Variants in CCZ1 observed in about 807,000 individuals in gnomAD.
CCZ1 encodes CCZ1 vacuolar protein trafficking and biogenesis associated, also known as vacuolar fusion protein CCZ1 homolog.
In CCZ1, 19 loss-of-function variants were observed where a neutral mutation model predicts 57.8. The observed-to-expected ratio is 0.33, with a 90% CI of 0.23 to 0.48. The LOEUF (loss-of-function observed/expected upper bound fraction) is 0.48, where lower values mean the gene tolerates loss of function less well. Ranked by LOEUF, CCZ1 falls within the 20% of genes least tolerant of loss-of-function variation. CCZ1 has a pLI of 0.99. For missense variants in CCZ1, 200 were observed against 492.0 expected, an observed-to-expected ratio of 0.41 and a Z score of 5.61; for synonymous variants, 81 against 167.0, an observed-to-expected ratio of 0.49 and a Z score of 3.97.
At chr7:5,906,749 TAAG>T (rs1262316007) in intron 7 of CCZ1, among the ~76,000 whole-genome samples, 9 of 150,516 alleles carry the variant, frequency 6.0e-5, no homozygotes, top group Non-Finnish European at 1.5e-5. Context: ...AGCTCCATTT[TAAG>T]AAGAGAAACA....
chr7:5,911,167 G>A (rs952110172), intron 8 of CCZ1, among the ~76,000 whole-genome samples: 1 of 149,044 alleles, frequency 6.7e-6, no homozygotes, highest in African/African-American at 2.5e-5. Context: ...GTGCCTACCC[G>A]GCTTTCCACT....
intron 7 of CCZ1, among the ~76,000 whole-genome samples, chr7:5,907,431 T>C (rs1293520609): frequency 2.0e-5 from 3 of 148,914 alleles, no homozygotes; most frequent in African/African-American, 7.5e-5. Flanking sequence ...CCAGCAGTAG[T>C]GGCCCATGGC....
Position 5,912,903 on chromosome 7 carries a change from T to G in CCZ1, c.903T>G (p.Ile301Met). 1 of 1,605,500 alleles carries G rather than the reference T, an allele frequency of 6.2e-7. No homozygotes were observed. The highest frequency in any genetic ancestry group is 1.1e-5 in the South Asian group (1 of 90,612). Residue 301 changes from isoleucine (I) to methionine (M), a missense_variant, in exon 10 of 15, where the codon ATT becomes ATG. Transcript: ENST00000325974. ...ATGCAAAATGCAGATTCCCCAAAAT[T>G]TTTGTAAATACAGATGACACTTATG... is the stretch of plus-strand genomic sequence containing the variant. ...DPDAKCRFPK[I>M]FVNTDDTYEE...
At chr7:5,910,447 C>T (rs1238107804) in intron 8 of CCZ1, among the ~76,000 whole-genome samples, 1 of 148,896 alleles carries the variant, frequency 6.7e-6, no homozygotes, top group Non-Finnish European at 1.5e-5. Flanking sequence ...TTGCCTCGGC[C>T]TCCCAAGTAC....
chr7:5,907,506 G>A (rs1484894322), intron 7 of CCZ1, among the ~76,000 whole-genome samples: 2 of 147,632 alleles, frequency 1.4e-5, no homozygotes, highest in Non-Finnish European at 3.0e-5. Context: ...CACAAGCCCC[G>A]CCATGGGTGC....
Position 5,905,285 on chromosome 7 carries a change from G to A in CCZ1, c.698+16G>A. 2.2e-6 allele frequency: 3 copies of A among 1,378,916 alleles called. No homozygotes were observed. Among genetic ancestry groups the A allele is most frequent in the Non-Finnish European group, 2.9e-6 (3 of 1,022,252 alleles). The allele number at this position is 1,378,916 out of a possible 1,614,324, so 85.4% of individuals were successfully genotyped here. A position where few individuals can be genotyped will look rare whatever the true frequency, so the allele number is the denominator to read the frequency against. On this transcript the variant is annotated intron_variant, in intron 7 of 14. Coordinates refer to ENST00000325974, the MANE Select transcript of CCZ1 (RefSeq NM_015622.6). ...AGCTCATCTGGTAGGTACACCCCGA[G>A]GCATGGTATTAAAAGAAGAAATTAA...
At chr7:5,910,640 T>G (rs1437026682) in intron 8 of CCZ1, among the ~76,000 whole-genome samples, 1 of 146,856 alleles carries the variant, frequency 6.8e-6, no homozygotes, top group Non-Finnish European at 1.5e-5. Flanking sequence ...AGCATGTTTT[T>G]AAGAGGAGTG....
chr7:5,904,956 G>A (rs573132642), intron 6 of CCZ1, 138 bp from the exon 7 acceptor site: 12 of 1,203,050 alleles, frequency 1.0e-5, no homozygotes, highest in Middle Eastern at 4.5e-4. Context: ...TCTTCACCAC[G>A]GCCTCATTGT....
rs183538847 is a variant in CCZ1 at position 5,909,333 on chromosome 7, G to A, written c.699-702G>A. 1.6e-4 allele frequency among the ~76,000 whole-genome samples: 24 copies of A among 150,506 alleles called. 1 individual carries two copies. The highest frequency in any genetic ancestry group is 4.0e-4 in the Admixed American group (6 of 15,166). Reference sequence around the variant, plus strand: ...GGAGGTTCGCTTGAGCCTGGGAATCGGTGGCTGCAGCAAGCTGTGGTCACA... The same window carrying A: ...GGAGGTTCGCTTGAGCCTGGGAATCAGTGGCTGCAGCAAGCTGTGGTCACA... On this transcript the variant is annotated intron_variant, in intron 7 of 14. Coordinates refer to ENST00000325974, the MANE Select transcript of CCZ1 (RefSeq NM_015622.6).
At chr7:5,912,069 C>G in intron 9 of CCZ1, 147 bp downstream of exon 9, 1 of 1,540,146 alleles carries the variant, frequency 6.5e-7, no homozygotes, top group Non-Finnish European at 8.8e-7. Flanking sequence ...ACTGTCATGC[C>G]TCAGCCTCCC....
rs1781711460 is a variant in CCZ1, at chr7:5,902,682, A to T, written c.460A>T (p.Lys154Ter). 6.3e-7 allele frequency: 1 copy of T among 1,590,520 alleles called. No homozygotes were observed. Among genetic ancestry groups the T allele is most frequent in the African/African-American group, 1.4e-5 (1 of 72,884 alleles). ...MYKLFNGTFL[K>*]AMEDGGVKLL... ...CTAGCTTTTTAATGGTACATTTCTG[A>T]AAGCCATGGAAGACGGAGGCGTCAA... Residue 154 changes from lysine to a stop codon, truncating the protein, a stop_gained, in exon 6 of 15, where the codon AAA (lysine) becomes TAA (stop). Coordinates refer to ENST00000325974, the MANE Select transcript of CCZ1 (RefSeq NM_015622.6). LOFTEE classifies it high-confidence loss of function.
intron 10 of CCZ1, among the ~76,000 whole-genome samples, chr7:5,915,527 CT>C (rs1209032145): frequency 2.0e-5 from 3 of 148,156 alleles, no homozygotes; most frequent in Admixed American, 6.9e-5. Context: ...GGGTCCTTAC[CT>C]TTTTCTTAAT....
Position 5,901,653 on chromosome 7 carries a change from G to T in CCZ1, c.391-4G>T, listed in dbSNP as rs890582511. The T allele has an allele frequency of 8.8e-6, 14 of 1,596,054 alleles. No individual in the cohort carries two copies. Among genetic ancestry groups the T allele is most frequent in the Middle Eastern group, 3.3e-4 (2 of 6,044 alleles). ...AGCTGTGTGCTGTGTTTTCGCGTCTGCAGGACAAGGTTTATAGCTCGGTGC... is the reference window on the plus strand; with the variant it reads ...AGCTGTGTGCTGTGTTTTCGCGTCTTCAGGACAAGGTTTATAGCTCGGTGC... On this transcript the variant is annotated splice_region_variant and splice_polypyrimidine_tract_variant and intron_variant, in intron 4 of 14. Coordinates refer to ENST00000325974, the MANE Select transcript of CCZ1 (RefSeq NM_015622.6).
chr7:5,900,350 G>A lies in CCZ1; in HGVS notation c.187G>A (p.Gly63Arg), dbSNP rs1424579827. ...VEKNEKIRNV[G>R]LCEAIVQFTR... Reference sequence around the variant, plus strand: ...AAAGAATGAGAAGATTAGAAATGTCGGATTGTGTGAAGCTATTGTACAGTT... The same window carrying A: ...AAAGAATGAGAAGATTAGAAATGTCAGATTGTGTGAAGCTATTGTACAGTT... Residue 63 changes from glycine (G) to arginine (R), a missense_variant, in exon 2 of 15, where the codon GGA (glycine) becomes AGA (arginine). This residue lies in a region of CCZ1 where 44 missense variants were observed against 122.8 expected (regional missense o/e 0.36). Transcript: ENST00000325974. 5.7e-6 allele frequency: 9 copies of A among 1,572,572 alleles called. No individual in the cohort carries two copies. The highest frequency in any genetic ancestry group is 6.9e-6 in the Non-Finnish European group (8 of 1,163,680).
At chr7:5,906,978 C>T (rs1414858597) in intron 7 of CCZ1, among the ~76,000 whole-genome samples, 1 of 149,234 alleles carries the variant, frequency 6.7e-6, no homozygotes, top group African/African-American at 2.5e-5. Context: ...AGCAATTCTC[C>T]TGCCTCAGCC....
rs1781650736 is a variant in CCZ1, at chr7:5,900,206, G to C, written c.121-78G>C. Reference sequence around the variant, plus strand: ...ATTAGCATGTGTGACACAAGAGGTCGACATTGAACTTAGCGTTTTCAATAG... The same window carrying C: ...ATTAGCATGTGTGACACAAGAGGTCCACATTGAACTTAGCGTTTTCAATAG... On this transcript the variant is annotated intron_variant, in intron 1 of 14. Coordinates refer to ENST00000325974, the MANE Select transcript of CCZ1 (RefSeq NM_015622.6). 7.9e-6 allele frequency: 11 copies of C among 1,398,890 alleles called. No individual in the cohort carries two copies. The South Asian group carries it at 1.6e-4, about 21-fold the overall frequency. 86.7% of individuals were successfully genotyped at this position (1,398,890 alleles called of 1,614,324 possible). A position where few individuals can be genotyped will look rare whatever the true frequency, so the allele number is the denominator to read the frequency against.
intron 7 of CCZ1, among the ~76,000 whole-genome samples, chr7:5,908,469 C>G (rs913582189): frequency 6.7e-6 from 1 of 148,294 alleles, no homozygotes; most frequent in Admixed American, 6.7e-5. Flanking sequence ...ACCTGCGCCT[C>G]CCAGGTTCAA....
chr7:5,906,064 C>G (rs535116299), intron 7 of CCZ1, among the ~76,000 whole-genome samples: 1 of 145,424 alleles, frequency 6.9e-6, no homozygotes, highest in African/African-American at 2.5e-5. Flanking sequence ...AACTAGATTT[C>G]TTTTTTTTTA....
intron 9 of CCZ1, among the ~76,000 whole-genome samples, chr7:5,912,157 C>G (rs1219164219): frequency 6.8e-6 from 1 of 146,490 alleles, no homozygotes; most frequent in African/African-American, 2.6e-5. Flanking sequence ...AGGGTTTCAT[C>G]ATGTTGGCCA....
Sources: allele counts gnomAD v4.1 joint callset (sites outside exome capture counted in the v4.1 genomes callset), GRCh38; gene constraint gnomAD v4.1.1; regional missense constraint gnomAD v4.1.1; transcripts MANE v1.5; gene names NCBI Gene and HGNC (gene_info 2026-07-23, HGNC 2026-07-21).